The following LRP1B variants were observed in gnomAD, a reference collection of about 807,000 sequenced individuals.
The protein encoded by LRP1B is LDL receptor related protein 1B, also known as low-density lipoprotein receptor-related protein 1B.
LRP1B carries 217 observed loss-of-function variants against 556.6 expected under a neutral mutation model. The ratio of observed to expected loss-of-function variants is 0.39; its 90% CI spans 0.35 to 0.44. The LOEUF (loss-of-function observed/expected upper bound fraction) is 0.44. Among genes scored for constraint, LRP1B ranks in the 20% least tolerant of loss-of-function variants. The pLI is 1.00. For missense variants in LRP1B, 5,053 were observed against 5,620.8 expected, an observed-to-expected ratio of 0.90 and a Z score of 3.23; for synonymous variants, 2,047 against 1,865.8, an observed-to-expected ratio of 1.10 and a Z score of -2.50.
Position 141,819,260 on chromosome 2 carries a change from A to AAAC in LRP1B, c.83-8860_83-8859insGTT, listed in dbSNP as rs1558897515. 7.4e-5 allele frequency among the ~76,000 whole-genome samples: 7 copies of AAAC among 95,012 alleles called. No homozygotes were observed. In the East Asian group the frequency reaches 1.6e-3, roughly 21 times the overall value. The allele number at this position is 95,012 out of a possible 152,430, so 62.3% of individuals were successfully genotyped here. On this transcript the variant is annotated intron_variant, in intron 1 of 90. Coordinates refer to ENST00000389484, the MANE Select transcript of LRP1B (RefSeq NM_018557.3). ...TCAAACAAACAAACAAACAAACAAA[A>AAAC]AAAAAAACAAAAAACTTTCCCAGTG...
chr2:141,461,537 A>G (rs4954704), intron 3 of LRP1B, among the ~76,000 whole-genome samples: 12,546 of 152,246 alleles, frequency 0.082, 706 homozygotes, highest in South Asian at 0.26. Context: ...TATCTATACA[A>G]TAATGAGAAC....
At chr2:140,575,422 A>C (rs948495623) in intron 43 of LRP1B, among the ~76,000 whole-genome samples, 1 of 152,184 alleles carries the variant, frequency 6.6e-6, no homozygotes, top group Admixed American at 6.5e-5. Flanking sequence ...ATGTGTGCTC[A>C]TATCATGGTG....
At chr2:142,129,068 T>C (rs142834348) in intron 1 of LRP1B, among the ~76,000 whole-genome samples, 3 of 152,322 alleles carry the variant, frequency 2.0e-5, no homozygotes, top group East Asian at 1.9e-4. Context: ...AGTACCATTA[T>C]ATTTTGCTAG....
At chr2:140,451,627 A>G (rs935887615) in intron 62 of LRP1B, among the ~76,000 whole-genome samples, 3 of 152,142 alleles carry the variant, frequency 2.0e-5, no homozygotes, top group Non-Finnish European at 2.9e-5. Context: ...TATGGGCCCC[A>G]CATAAATTTT....
chr2:141,586,683 C>T (rs1574108538), intron 2 of LRP1B, among the ~76,000 whole-genome samples: 2 of 152,130 alleles, frequency 1.3e-5, no homozygotes, highest in African/African-American at 2.4e-5. Context: ...TGGCTCACGC[C>T]TGTAATCCCA....
At position 140,850,106 on chromosome 2, in the gene LRP1B, T is replaced by G; in HGVS notation, c.4935A>C (p.Ser1645=). Residue 1645 remains serine (S), a synonymous_variant, in exon 29 of 91, where the codon TCA becomes TCC. Coordinates refer to ENST00000389484, the MANE Select transcript of LRP1B (RefSeq NM_018557.3). ...TAACATGTACGAATCTTTTACCTCTTGAAATAACAGTTTCTAACCCAGTTC... is the reference window on the plus strand; with the variant it reads ...TAACATGTACGAATCTTTTACCTCTGGAAATAACAGTTTCTAACCCAGTTC... The part of the protein sequence containing the change: ...INGTGLETVI[S]RDIQSIRGLA... 2 of 1,594,102 alleles carry G rather than the reference T, an allele frequency of 1.3e-6. No individual in the cohort carries two copies. The highest frequency in any genetic ancestry group is 1.7e-6 in the Non-Finnish European group (2 of 1,162,950).
At chr2:140,458,564 T>C (rs1474006580) in intron 60 of LRP1B, among the ~76,000 whole-genome samples, 1 of 152,156 alleles carries the variant, frequency 6.6e-6, no homozygotes, top group Non-Finnish European at 1.5e-5. Context: ...ACTATTTCTC[T>C]GTACTAATTT....
intron 23 of LRP1B, chr2:140,898,796 C>A: frequency 3.7e-6 from 2 of 542,188 alleles, no homozygotes; most frequent in South Asian, 1.5e-5. Flanking sequence ...CGCTATCACC[C>A]AACTTTGTAG....
intron 6 of LRP1B, among the ~76,000 whole-genome samples, chr2:141,209,210 C>G (rs937953754): frequency 1.6e-4 from 24 of 152,156 alleles, no homozygotes; most frequent in African/African-American, 5.8e-4. Flanking sequence ...AATCCCCACC[C>G]GTCGTGGGAG....
At chr2:141,778,393 C>G (rs1467567740) in intron 2 of LRP1B, among the ~76,000 whole-genome samples, 1 of 152,162 alleles carries the variant, frequency 6.6e-6, no homozygotes, top group African/African-American at 2.4e-5. Context: ...GAAATCTTTG[C>G]ACTCAAAATA....
At chr2:140,316,814 T>TA (rs1254022040) in intron 82 of LRP1B, among the ~76,000 whole-genome samples, 2 of 152,136 alleles carry the variant, frequency 1.3e-5, no homozygotes, top group African/African-American at 4.8e-5. Flanking sequence ...CATACACACA[T>TA]ATACACAAAT....
intron 2 of LRP1B, among the ~76,000 whole-genome samples, chr2:141,704,554 T>C (rs549909134): frequency 6.6e-5 from 10 of 152,002 alleles, no homozygotes; most frequent in South Asian, 2.1e-4. Context: ...TCCCCACTGC[T>C]CCCCCAGTGC....
At chr2:141,514,857 G>T (rs1383619409) in intron 2 of LRP1B, among the ~76,000 whole-genome samples, 2 of 152,190 alleles carry the variant, frequency 1.3e-5, no homozygotes, top group South Asian at 4.2e-4. Flanking sequence ...AACACAGAAT[G>T]ATTGTTTGGT....
intron 84 of LRP1B, among the ~76,000 whole-genome samples, chr2:140,297,551 G>C (rs555178056): frequency 4.0e-4 from 61 of 152,256 alleles, no homozygotes; most frequent in Non-Finnish European, 8.8e-5. Context: ...GAGGGGAAGA[G>C]AGAGGAAGGG....
intron 2 of LRP1B, among the ~76,000 whole-genome samples, chr2:141,716,051 A>G (rs114268994): frequency 1.6e-4 from 25 of 152,318 alleles, no homozygotes; most frequent in African/African-American, 6.0e-4. Context: ...GATTTCAGCT[A>G]GAATTATATA....
At chr2:142,097,297 A>G (rs1471131308) in intron 1 of LRP1B, among the ~76,000 whole-genome samples, 1 of 151,700 alleles carries the variant, frequency 6.6e-6, no homozygotes, top group Admixed American at 6.6e-5. Flanking sequence ...TTTTAAAATA[A>G]TATAGGTCCA....
At chr2:141,509,253 G>A (rs1480318320) in intron 2 of LRP1B, among the ~76,000 whole-genome samples, 2 of 152,114 alleles carry the variant, frequency 1.3e-5, no homozygotes, top group East Asian at 1.9e-4. Context: ...TTCACTTAAA[G>A]CAGAAAATGA....
intron 7 of LRP1B, among the ~76,000 whole-genome samples, chr2:141,116,167 G>A (rs989562873): frequency 1.3e-5 from 2 of 151,988 alleles, no homozygotes; most frequent in Non-Finnish European, 2.9e-5. Context: ...TAAAAAAACT[G>A]TATAATACAT....
intron 2 of LRP1B, among the ~76,000 whole-genome samples, chr2:141,642,208 T>A (rs1215205464): frequency 6.6e-6 from 1 of 152,146 alleles, no homozygotes; most frequent in Non-Finnish European, 1.5e-5. Flanking sequence ...AAAATGTGAC[T>A]ATCCAGTAAT....
Sources: allele counts gnomAD v4.1 joint callset (sites outside exome capture counted in the v4.1 genomes callset), GRCh38; gene constraint gnomAD v4.1.1; transcripts MANE v1.5; gene names NCBI Gene and HGNC (gene_info 2026-07-23, HGNC 2026-07-21).